SH3BGRL: variants seen among roughly 807,000 people sequenced by gnomAD.
SH3BGRL encodes SH3 domain binding glutamate rich protein like, also known as adapter SH3BGRL.
Under a neutral mutation model 9.8 loss-of-function variants are expected in SH3BGRL, and 7 were observed. That is an observed-to-expected ratio of 0.72 (90% CI 0.41 to 1.35). SH3BGRL has a LOEUF of 1.35. Ranked by LOEUF, SH3BGRL falls within the 40% of genes most tolerant of loss-of-function variation. SH3BGRL has a pLI of 0.01. For synonymous variants in SH3BGRL, 36 were observed against 29.1 expected (o/e 1.24, Z -0.76); for missense variants, 73 against 84.4 (o/e 0.86, Z 0.53).
At chrX:81,276,847 A>G in intron 1 of SH3BGRL, 137 bp from the exon 2 acceptor site, 1 of 497,258 alleles carries the variant, frequency 2.0e-6, no homozygotes, top group Non-Finnish European at 3.3e-6. Context: ...TATTAACAAT[A>G]CAATAATAAA....
chrX:81,225,378 A>C (rs1483318861), intron 1 of SH3BGRL, among the ~76,000 whole-genome samples: 1 of 110,921 alleles, frequency 9.0e-6, no homozygotes, highest in East Asian at 2.8e-4. Flanking sequence ...CTTTGTACCC[A>C]ATAGATAAAT....
At chrX:81,251,413 A>G (rs2075710219) in intron 1 of SH3BGRL, among the ~76,000 whole-genome samples, 1 of 109,873 alleles carries the variant, frequency 9.1e-6, no homozygotes, top group Admixed American at 9.7e-5. Flanking sequence ...TGTTTAACAA[A>G]TTACTGTTTT....
At chrX:81,225,260 A>T (rs758507032) in intron 1 of SH3BGRL, among the ~76,000 whole-genome samples, 30 of 111,415 alleles carry the variant, frequency 2.7e-4, no homozygotes, top group African/African-American at 9.4e-4. Flanking sequence ...AGCATAGAGC[A>T]GGAGATTATT....
chrX:81,258,908 T>G (rs746304409), intron 1 of SH3BGRL, among the ~76,000 whole-genome samples: 1 of 112,453 alleles, frequency 8.9e-6, no homozygotes, highest in Non-Finnish European at 1.9e-5. Flanking sequence ...ATGTATCCAC[T>G]TTAGCAGCAC....
chrX:81,261,220 G>A (rs184857005), intron 1 of SH3BGRL, among the ~76,000 whole-genome samples: 63 of 111,470 alleles, frequency 5.7e-4, no homozygotes, highest in African/African-American at 1.9e-3. Flanking sequence ...CTTTGTGACT[G>A]TGGATAAATT....
intron 1 of SH3BGRL, among the ~76,000 whole-genome samples, chrX:81,236,540 G>T (rs1269578730): frequency 9.0e-6 from 1 of 111,205 alleles, no homozygotes; most frequent in Non-Finnish European, 1.9e-5. Flanking sequence ...TTATTCATGG[G>T]TGCTCTAGAC....
chrX:81,298,218 G>A lies in SH3BGRL; in HGVS notation c.*991G>A, dbSNP rs749864128. 1 of 111,330 alleles carries A rather than the reference G, an allele frequency of 9.0e-6. No individual in the cohort carries two copies. The highest frequency in any genetic ancestry group is 3.2e-5 in the African/African-American group (1 of 30,781). The allele number at this position is 111,330 out of a possible 1,213,427, so 9.2% of individuals were successfully genotyped here. The stretch of plus-strand genomic sequence containing the variant: ...GTATTGTATGAGTGTATTAGTCTAA[G>A]CAGTGAGAATCTTTTCTATGCCTCT... On this transcript the variant is annotated 3_prime_UTR_variant, in exon 4 of 4. Transcript: ENST00000373212.
Position 81,232,628 on chromosome X carries a change from G to A in SH3BGRL, c.45+30383G>A, listed in dbSNP as rs148677361. On this transcript the variant is annotated intron_variant, in intron 1 of 3. Transcript: ENST00000373212. ...CACTCTCTCTCTCTCACTCTTGCAT[G>A]CCAAATCAAGCTGTTTCTTTGTGAA... Among the ~76,000 whole-genome samples, 117 of 110,525 alleles carry A rather than the reference G, an allele frequency of 1.1e-3. 1 individual carries two copies. The highest frequency in any genetic ancestry group is 3.6e-3 in the African/African-American group (110 of 30,488).
At position 81,298,221 on chromosome X, in the gene SH3BGRL, G is replaced by A. The variant is rs1357539925; in HGVS notation, c.*994G>A. ...TTGTATGAGTGTATTAGTCTAAGCA[G>A]TGAGAATCTTTTCTATGCCTCTATT... On this transcript the variant is annotated 3_prime_UTR_variant, in exon 4 of 4. Coordinates refer to ENST00000373212, the MANE Select transcript of SH3BGRL (RefSeq NM_003022.3). 2.7e-5 allele frequency: 3 copies of A among 111,474 alleles called. No homozygotes were observed. The highest frequency in any genetic ancestry group is 9.7e-5 in the African/African-American group (3 of 30,791). 9.2% of individuals were successfully genotyped at this position (111,474 alleles called of 1,213,427 possible).
intron 1 of SH3BGRL, among the ~76,000 whole-genome samples, chrX:81,211,307 G>A (rs1362095038): frequency 8.9e-6 from 1 of 111,949 alleles, no homozygotes. Context: ...ATTTGAGGCC[G>A]GGCGCGGTGG....
chrX:81,240,296 G>A (rs964109620), intron 1 of SH3BGRL, among the ~76,000 whole-genome samples: 1 of 111,870 alleles, frequency 8.9e-6, no homozygotes, highest in Admixed American at 9.4e-5. Context: ...AAGGTGTAAA[G>A]TTTTTATTAG....
At chrX:81,271,064 AG>A (rs2147707504) in intron 1 of SH3BGRL, among the ~76,000 whole-genome samples, 1 of 112,204 alleles carries the variant, frequency 8.9e-6, no homozygotes, top group South Asian at 3.7e-4. Context: ...CAGGCATGGG[AG>A]GGGATCTCCT....
intron 1 of SH3BGRL, among the ~76,000 whole-genome samples, chrX:81,265,622 G>C (rs1385906281): frequency 8.9e-6 from 1 of 111,811 alleles, no homozygotes; most frequent in Non-Finnish European, 1.9e-5. Flanking sequence ...ATGGACATTT[G>C]GTTGGTTCCA....
chrX:81,212,721 G>A (rs542230764), intron 1 of SH3BGRL, among the ~76,000 whole-genome samples: 2 of 111,503 alleles, frequency 1.8e-5, no homozygotes, highest in South Asian at 7.5e-4. Flanking sequence ...AACTCGAGAA[G>A]TAAAGTACAC....
At chrX:81,265,257 G>A (rs1045631516) in intron 1 of SH3BGRL, among the ~76,000 whole-genome samples, 2 of 104,720 alleles carry the variant, frequency 1.9e-5, no homozygotes, top group Non-Finnish European at 3.9e-5. Context: ...TGTGCAGAAC[G>A]TGCAGTGTTG....
chrX:81,273,414 A>G (rs2075787518), intron 1 of SH3BGRL, among the ~76,000 whole-genome samples: 1 of 112,343 alleles, frequency 8.9e-6, no homozygotes, highest in Non-Finnish European at 1.9e-5. Context: ...ATAGATTGTA[A>G]TGTGAGGAAG....
intron 1 of SH3BGRL, among the ~76,000 whole-genome samples, chrX:81,222,137 T>C (rs1337178399): frequency 8.9e-6 from 1 of 112,553 alleles, no homozygotes; most frequent in Non-Finnish European, 1.9e-5. Context: ...TACAGAAATC[T>C]GGCTGACCAT....
At chrX:81,261,488 T>C (rs1286467817) in intron 1 of SH3BGRL, among the ~76,000 whole-genome samples, 4 of 111,325 alleles carry the variant, frequency 3.6e-5, no homozygotes, top group Non-Finnish European at 7.6e-5. Context: ...GAGCACCTTC[T>C]GATAGCCTAA....
At chrX:81,243,871 G>T (rs917180326) in intron 1 of SH3BGRL, among the ~76,000 whole-genome samples, 9 of 111,184 alleles carry the variant, frequency 8.1e-5, no homozygotes, top group Non-Finnish European at 1.7e-4. Flanking sequence ...GATTTAAGTG[G>T]TTTGTTTACT....
Sources: allele counts gnomAD v4.1 joint callset (sites outside exome capture counted in the v4.1 genomes callset), GRCh38; gene constraint gnomAD v4.1.1; transcripts MANE v1.5; gene names NCBI Gene and HGNC (gene_info 2026-07-23, HGNC 2026-07-21).